The following PPP4R3B variants were observed in gnomAD, a reference collection of about 807,000 sequenced individuals.
PPP4R3B encodes the protein protein phosphatase 4 regulatory subunit 3B.
Under a neutral mutation model 95.4 loss-of-function variants are expected in PPP4R3B, and 52 were observed. The ratio of observed to expected loss-of-function variants is 0.54; its 90% CI spans 0.44 to 0.69. PPP4R3B has a LOEUF of 0.69. Ranked by LOEUF, PPP4R3B falls within the 30% of genes least tolerant of loss-of-function variation. PPP4R3B has a pLI of 0.00. For synonymous variants in PPP4R3B, 407 were observed against 343.9 expected (o/e 1.18, Z -2.03); for missense variants, 1,003 against 1,005.9 (o/e 1.00, Z 0.04).
intron 8 of PPP4R3B, 37 bp downstream of exon 8, chr2:55,581,530 T>G: frequency 6.3e-7 from 1 of 1,593,012 alleles, no homozygotes; most frequent in Non-Finnish European, 8.5e-7. Context: ...TAAAACTGAC[T>G]AGGCCAAAAC....
intron 11 of PPP4R3B, among the ~76,000 whole-genome samples, 166 bp downstream of exon 11, chr2:55,577,149 T>C (rs1688792768): frequency 6.6e-6 from 1 of 152,218 alleles, no homozygotes; most frequent in Non-Finnish European, 1.5e-5. Flanking sequence ...CAACTCGTTT[T>C]CTATTTTTAA....
At chr2:55,586,790 A>G (rs2104315454) in intron 5 of PPP4R3B, 56 bp from the exon 6 acceptor site, 1 of 1,014,822 alleles carries the variant, frequency 9.9e-7, no homozygotes, top group East Asian at 2.4e-5. Flanking sequence ...GGGGCACACT[A>G]TAGTAATCAT....
chr2:55,576,539 G>A lies in PPP4R3B; in HGVS notation c.1606+776C>T, dbSNP rs546296179. Among the ~76,000 whole-genome samples, 56 of 151,990 alleles carry A rather than the reference G, an allele frequency of 3.7e-4. No individual in the cohort carries two copies. The East Asian group carries it at 0.01, about 27-fold the overall frequency. On this transcript the variant is annotated intron_variant, in intron 11 of 16. Coordinates refer to ENST00000616407, the MANE Select transcript of PPP4R3B (RefSeq NM_001122964.3). Reference sequence around the variant, plus strand: ...GGGTGGATCACGAGGTCAGGAGATCGAGACCACCCTGGCTAACACGGTGAA... The same window carrying A: ...GGGTGGATCACGAGGTCAGGAGATCAAGACCACCCTGGCTAACACGGTGAA...
At chr2:55,590,921 A>G (rs1690922285) in intron 4 of PPP4R3B, among the ~76,000 whole-genome samples, 1 of 152,224 alleles carries the variant, frequency 6.6e-6, no homozygotes, top group African/African-American at 2.4e-5. Flanking sequence ...CTCTTCTACT[A>G]AAAATCAATT....
In PPP4R3B at chr2:55,573,586, A is replaced by C; in HGVS notation, c.1765+33T>G. 2.6e-6 allele frequency: 4 copies of C among 1,514,470 alleles called. 1 individual carries two copies. In the South Asian group the frequency reaches 5.2e-5, roughly 20 times the overall value. 93.8% of individuals were successfully genotyped at this position (1,514,470 alleles called of 1,614,324 possible). A position where few individuals can be genotyped will look rare whatever the true frequency, so the allele number is the denominator to read the frequency against. On this transcript the variant is annotated intron_variant, in intron 12 of 16. Coordinates refer to ENST00000616407, the MANE Select transcript of PPP4R3B (RefSeq NM_001122964.3). ...GGTAACTTCAGTTTTATCTCTATTA[A>C]AAATGTTGCTCCTTAAAACATTTTA...
Position 55,583,534 on chromosome 2 carries a change from G to C in PPP4R3B, c.1233+1517C>G, listed in dbSNP as rs145597406. ...TAACAGTTTACTAAGATCATGGTCT[G>C]AGATTGATTCATGGTCATTTTATGA... is the stretch of plus-strand genomic sequence containing the variant. On this transcript the variant is annotated intron_variant, in intron 7 of 16. Coordinates refer to ENST00000616407, the MANE Select transcript of PPP4R3B (RefSeq NM_001122964.3). Among the ~76,000 whole-genome samples the C allele has an allele frequency of 3.1e-3, 467 of 152,316 alleles. 1 individual carries two copies. Among genetic ancestry groups the C allele is most frequent in the African/African-American group, 0.011 (442 of 41,582 alleles).
chr2:55,552,401 A>G (rs1685351750), intron 16 of PPP4R3B, among the ~76,000 whole-genome samples: 1 of 152,046 alleles, frequency 6.6e-6, no homozygotes, highest in Non-Finnish European at 1.5e-5. Context: ...TGGTATGAAT[A>G]TATATATATT....
At chr2:55,582,384 G>A (rs1195599202) in intron 7 of PPP4R3B, among the ~76,000 whole-genome samples, 1 of 152,110 alleles carries the variant, frequency 6.6e-6, no homozygotes, top group Non-Finnish European at 1.5e-5. Flanking sequence ...CTCTTTAGTA[G>A]CTGGGATTAA....
rs572446356 is a variant in PPP4R3B at position 55,617,042 on chromosome 2, T to C, written c.142+102A>G. 2.9e-5 allele frequency: 40 copies of C among 1,370,056 alleles called. No homozygotes were observed. In the Admixed American group the frequency reaches 6.1e-4, roughly 21 times the overall value. 84.9% of individuals were successfully genotyped at this position (1,370,056 alleles called of 1,614,324 possible). On this transcript the variant is annotated intron_variant, in intron 1 of 16. Coordinates refer to ENST00000616407, the MANE Select transcript of PPP4R3B (RefSeq NM_001122964.3). ...AAGAGCCAGTTCAGAACCAACGCGC[T>C]GTCCCGAAGGAGTAGCAACGGTAAC... is the stretch of plus-strand genomic sequence containing the variant.
At chr2:55,601,462 G>A (rs1692603204) in intron 3 of PPP4R3B, among the ~76,000 whole-genome samples, 1 of 151,396 alleles carries the variant, frequency 6.6e-6, no homozygotes, top group Non-Finnish European at 1.5e-5. Context: ...CTCACTGCAA[G>A]CTCCGCCTCC....
chr2:55,568,645 G>C (rs1306459640), intron 12 of PPP4R3B, among the ~76,000 whole-genome samples: 2 of 152,226 alleles, frequency 1.3e-5, no homozygotes. Context: ...GAATCTAGGA[G>C]ATAAACTACC....
intron 9 of PPP4R3B, among the ~76,000 whole-genome samples, chr2:55,579,111 G>C (rs879172064): frequency 6.6e-6 from 1 of 151,992 alleles, no homozygotes; most frequent in Non-Finnish European, 1.5e-5. Flanking sequence ...AAAATTTTTA[G>C]ATTTTCACTC....
At chr2:55,564,706 G>A (rs957055810) in intron 14 of PPP4R3B, among the ~76,000 whole-genome samples, 196 bp downstream of exon 14, 3 of 152,096 alleles carry the variant, frequency 2.0e-5, no homozygotes, top group African/African-American at 7.2e-5. Flanking sequence ...AATATTCTTC[G>A]TAAGTTACAA....
intron 4 of PPP4R3B, among the ~76,000 whole-genome samples, chr2:55,594,565 T>C (rs1016864172): frequency 2.0e-5 from 3 of 152,186 alleles, no homozygotes; most frequent in Admixed American, 1.3e-4. Flanking sequence ...ATTTATTTTC[T>C]GAATATAAAA....
chr2:55,577,579 A>T (rs546985022), intron 10 of PPP4R3B, among the ~76,000 whole-genome samples: 2 of 152,268 alleles, frequency 1.3e-5, no homozygotes, highest in African/African-American at 4.8e-5. Flanking sequence ...TAGCATAAAT[A>T]TTCTGATAAA....
At chr2:55,596,975 T>C (rs1691870043) in intron 4 of PPP4R3B, among the ~76,000 whole-genome samples, 1 of 151,834 alleles carries the variant, frequency 6.6e-6, no homozygotes, top group South Asian at 2.1e-4. Flanking sequence ...AAAATAATAA[T>C]AATAAAAAAT....
intron 2 of PPP4R3B, among the ~76,000 whole-genome samples, chr2:55,609,398 T>C (rs955296743): frequency 1.3e-5 from 2 of 152,154 alleles, no homozygotes; most frequent in African/African-American, 4.8e-5. Context: ...GACCTTTTCA[T>C]GGGCTGGGTG....
chr2:55,589,599 T>C (rs1690672518), intron 4 of PPP4R3B, among the ~76,000 whole-genome samples: 2 of 152,294 alleles, frequency 1.3e-5, no homozygotes, highest in South Asian at 2.1e-4. Context: ...CTACAGGCGT[T>C]GTCTAAAAGG....
intron 8 of PPP4R3B, among the ~76,000 whole-genome samples, chr2:55,580,798 T>C (rs1247606378): frequency 1.3e-5 from 2 of 152,176 alleles, no homozygotes; most frequent in Non-Finnish European, 2.9e-5. Flanking sequence ...TCCCTCCATA[T>C]TGAGAGAATG....
Sources: allele counts gnomAD v4.1 joint callset (sites outside exome capture counted in the v4.1 genomes callset), GRCh38; gene constraint gnomAD v4.1.1; transcripts MANE v1.5; gene names NCBI Gene and HGNC (gene_info 2026-07-23, HGNC 2026-07-21).